The following PDE7B variants were observed in gnomAD, a reference collection of about 807,000 sequenced individuals.
PDE7B encodes the protein 3',5'-cyclic-AMP phosphodiesterase 7B.
A neutral mutation model predicts 56.2 loss-of-function variants in PDE7B; 29 were observed. That is an observed-to-expected ratio of 0.52 (90% confidence interval 0.38 to 0.70). The LOEUF is 0.70. Among genes scored for constraint, PDE7B ranks in the 30% least tolerant of loss-of-function variants. The pLI, the probability that PDE7B is intolerant of heterozygous loss-of-function variation, is 0.00. For missense variants in PDE7B, 490 were observed against 565.0 expected (o/e 0.87, Z 1.35); for synonymous variants, 197 against 196.9 (o/e 1.00, Z 0.00).
In PDE7B at chr6:136,015,803, A is replaced by G. The variant is rs148476119; in HGVS notation, c.82+68279A>G. Among the ~76,000 whole-genome samples the G allele has an allele frequency of 2.2e-3, 341 of 152,290 alleles. 1 individual carries two copies. The highest frequency in any genetic ancestry group is 7.7e-3 in the African/African-American group (319 of 41,566). The stretch of plus-strand genomic sequence containing the variant: ...TTCTGGGAATACTTCTAAATGACCT[A>G]GGGGAAATTTTCTAAACCAAAGAAC... On this transcript the variant is annotated intron_variant, in intron 2 of 12. Transcript: ENST00000308191.
intron 2 of PDE7B, among the ~76,000 whole-genome samples, chr6:136,093,508 G>T (rs1217935172): frequency 6.6e-6 from 1 of 152,134 alleles, no homozygotes; most frequent in African/African-American, 2.4e-5. Flanking sequence ...TTATAAAATC[G>T]ATGGTAAACT....
At position 136,191,879 on chromosome 6, in the gene PDE7B, G is replaced by A. The variant is rs1161140996; in HGVS notation, c.*39G>A. On this transcript the variant is annotated 3_prime_UTR_variant, in exon 13 of 13. Coordinates refer to ENST00000308191, the MANE Select transcript of PDE7B (RefSeq NM_018945.4). ...TTAGACGCGGCTCTCCTCCGGCAGG[G>A]CCCCCAGAGGGCAGAAGCAGCGTGG... is the stretch of plus-strand genomic sequence containing the variant. The A allele has an allele frequency of 2.0e-6, 3 of 1,478,910 alleles. No individual in the cohort carries two copies. Among genetic ancestry groups the A allele is most frequent in the Admixed American group, 3.9e-5 (2 of 50,732 alleles). The allele number at this position is 1,478,910 out of a possible 1,614,324, so 91.6% of individuals were successfully genotyped here. A position where few individuals can be genotyped will look rare whatever the true frequency, so the allele number is the denominator to read the frequency against.
At chr6:136,178,816 A>C (rs747957525) in intron 9 of PDE7B, among the ~76,000 whole-genome samples, 181 bp from the exon 10 acceptor site, 2 of 152,220 alleles carry the variant, frequency 1.3e-5, no homozygotes, top group Non-Finnish European at 2.9e-5. Flanking sequence ...CTTCCTGTCC[A>C]AGGACGCAAC....
intron 8 of PDE7B, among the ~76,000 whole-genome samples, chr6:136,160,561 T>A (rs1307195079): frequency 6.6e-6 from 1 of 152,132 alleles, no homozygotes; most frequent in Non-Finnish European, 1.5e-5. Flanking sequence ...CATCCTCTCA[T>A]CCACCTACTC....
At chr6:136,118,725 T>C (rs1777878860) in intron 3 of PDE7B, among the ~76,000 whole-genome samples, 1 of 152,222 alleles carries the variant, frequency 6.6e-6, no homozygotes, top group Non-Finnish European at 1.5e-5. Flanking sequence ...CCTTTTACAA[T>C]GAACATATAT....
At chr6:136,139,411 A>C (rs1778276320) in intron 3 of PDE7B, among the ~76,000 whole-genome samples, 1 of 152,172 alleles carries the variant, frequency 6.6e-6, no homozygotes, top group Non-Finnish European at 1.5e-5. Context: ...GCTATTGTGA[A>C]TAGTGCCTCA....
intron 2 of PDE7B, among the ~76,000 whole-genome samples, chr6:136,064,927 CAATA>C (rs1776908165): frequency 6.6e-6 from 1 of 152,096 alleles, no homozygotes; most frequent in Non-Finnish European, 1.5e-5. Context: ...TAGAGATGCT[CAATA>C]AATATTCATT....
At chr6:136,142,602 C>T (rs1445583983) in intron 3 of PDE7B, among the ~76,000 whole-genome samples, 1 of 152,112 alleles carries the variant, frequency 6.6e-6, no homozygotes, top group Non-Finnish European at 1.5e-5. Context: ...CTTTGTAGGT[C>T]ACTAAGGACT....
chr6:136,088,096 T>C (rs557080023), intron 2 of PDE7B, among the ~76,000 whole-genome samples: 3 of 152,324 alleles, frequency 2.0e-5, no homozygotes, highest in South Asian at 4.1e-4. Context: ...AATGTCACTC[T>C]GAGTGTTTCT....
chr6:135,926,035 T>C (rs1201834704), intron 1 of PDE7B, among the ~76,000 whole-genome samples: 1 of 140,490 alleles, frequency 7.1e-6, no homozygotes, highest in South Asian at 2.2e-4. Context: ...TAGACTTCTT[T>C]AGGAAATGAA....
intron 1 of PDE7B, among the ~76,000 whole-genome samples, chr6:135,860,610 TG>T (rs1775127204): frequency 6.6e-6 from 1 of 152,014 alleles, no homozygotes; most frequent in Non-Finnish European, 1.5e-5. Context: ...GGCCTCGCTC[TG>T]CTTATTTGTT....
At chr6:135,855,899 C>T (rs1243831864) in intron 1 of PDE7B, among the ~76,000 whole-genome samples, 2 of 149,900 alleles carry the variant, frequency 1.3e-5, no homozygotes, top group Non-Finnish European at 3.0e-5. Context: ...CTCGGAACTT[C>T]AAGATTACTT....
At chr6:136,180,887 G>C (rs1779051898) in intron 10 of PDE7B, among the ~76,000 whole-genome samples, 1 of 152,206 alleles carries the variant, frequency 6.6e-6, no homozygotes, top group South Asian at 2.1e-4. Flanking sequence ...AGCCTGGCCA[G>C]GGACCATGCA....
In PDE7B at chr6:136,179,025, T is replaced by TA; in HGVS notation, c.832_833insA (p.Leu278TyrfsTer12). ...GGATATTGAACAGCAGCTGGGCTCCTTGATCTTGGCAACAGACATCAACAG... is the reference window on the plus strand; with the variant it reads ...GGATATTGAACAGCAGCTGGGCTCCTATGATCTTGGCAACAGACATCAACAG... On this transcript the variant is annotated frameshift_variant, in exon 10 of 13. Transcript: ENST00000308191. LOFTEE classifies it high-confidence loss of function. 6.2e-7 allele frequency: 1 copy of TA among 1,614,174 alleles called. No homozygotes were observed. Among genetic ancestry groups the TA allele is most frequent in the Non-Finnish European group, 8.5e-7 (1 of 1,179,986 alleles).
chr6:136,128,894 C>G (rs769881508), intron 3 of PDE7B, among the ~76,000 whole-genome samples: 57 of 152,166 alleles, frequency 3.7e-4, no homozygotes, highest in Middle Eastern at 3.2e-3. Flanking sequence ...TCTGCTCCCC[C>G]CAAAGCCACC....
intron 6 of PDE7B, among the ~76,000 whole-genome samples, chr6:136,152,819 G>C (rs1179993620): frequency 6.6e-6 from 1 of 152,122 alleles, no homozygotes; most frequent in African/African-American, 2.4e-5. Context: ...GCCACAACCA[G>C]GTTTCTATGG....
intron 1 of PDE7B, among the ~76,000 whole-genome samples, chr6:135,907,530 A>C (rs1319654283): frequency 6.6e-6 from 1 of 152,088 alleles, no homozygotes; most frequent in African/African-American, 2.4e-5. Flanking sequence ...GTCCAATACA[A>C]GCTACTCTGC....
chr6:135,872,126 G>A (rs902224259), intron 1 of PDE7B, among the ~76,000 whole-genome samples: 9 of 152,120 alleles, frequency 5.9e-5, no homozygotes, highest in Non-Finnish European at 1.2e-4. Context: ...TCTAATTCCA[G>A]CCTTTTTAAA....
chr6:136,033,680 A>G (rs553831138), intron 2 of PDE7B, among the ~76,000 whole-genome samples: 1 of 152,232 alleles, frequency 6.6e-6, no homozygotes, highest in African/African-American at 2.4e-5. Context: ...CGGTCTGTAG[A>G]CTAAGTCGTT....
Sources: gnomAD v4.1 joint callset for allele counts (sites outside exome capture counted in the v4.1 genomes callset) on GRCh38, gnomAD v4.1.1 for gene constraint, MANE v1.5 for transcripts, NCBI Gene and HGNC (gene_info 2026-07-23, HGNC 2026-07-21) for gene names.